Variants in DHX29 observed in about 807,000 individuals in gnomAD.
DHX29 encodes DExH-box helicase 29.
DHX29 carries 79 observed loss-of-function variants against 167.9 expected under a neutral mutation model. That is an observed-to-expected ratio of 0.47 (90% CI 0.39 to 0.57). The LOEUF is 0.57. Among genes scored for constraint, DHX29 ranks in the 20% least tolerant of loss-of-function variants. The pLI is 0.00. For missense variants in DHX29, 1,347 were observed against 1,593.4 expected (o/e 0.85, Z 2.63); for synonymous variants, 530 against 546.0 (o/e 0.97, Z 0.41).
intron 6 of DHX29, 29 bp from the exon 7 acceptor site, chr5:55,290,373 G>GA (rs545241101): frequency 6.1e-4 from 921 of 1,502,470 alleles, no homozygotes; most frequent in Admixed American, 2.3e-3. Context: ...TGAGGAGGGG[G>GA]AAAAAAAAAG....
In DHX29 at chr5:55,285,310, G is replaced by C; in HGVS notation, c.1339C>G (p.Arg447Gly). ...QHLGATLALY[R>G]LVKGQSVHQL... ...AGTCTTACCTGCCCTTTAACTAAAC[G>C]GTAAAGGGCTAAAGTAGCTCCCAGG... The change falls in exon 10 of 27, where the codon CGT (arginine) becomes GGT (glycine). Residue 447 changes from arginine (R) to glycine (G), a missense_variant. This residue lies in a region of DHX29 where 882 missense variants were observed against 1,082.4 expected (regional missense o/e 0.81). Coordinates refer to ENST00000251636, the MANE Select transcript of DHX29 (RefSeq NM_019030.4). 1 of 1,613,938 alleles carries C rather than the reference G, an allele frequency of 6.2e-7. No homozygotes were observed. The highest frequency in any genetic ancestry group is 8.5e-7 in the Non-Finnish European group (1 of 1,179,968).
rs375409018 is a variant in DHX29 at position 55,296,721 on chromosome 5, G to C, written c.376-372C>G. On this transcript the variant is annotated intron_variant, in intron 3 of 26. Transcript: ENST00000251636. ...TGAATAGTTACATAATATTCCACTG[G>C]GTGGACATATCCTGATTTAATTTTA... Among the ~76,000 whole-genome samples, 37 of 152,082 alleles carry C rather than the reference G, an allele frequency of 2.4e-4. No homozygotes were observed. In the South Asian group the frequency reaches 5.8e-3, roughly 24 times the overall value.
At chr5:55,264,051 T>C (rs1746435488) in intron 23 of DHX29, among the ~76,000 whole-genome samples, 1 of 151,946 alleles carries the variant, frequency 6.6e-6, no homozygotes, top group Non-Finnish European at 1.5e-5. Flanking sequence ...TCCTAGCACT[T>C]TGGGAGACTG....
chr5:55,302,102 T>C lies in DHX29; in HGVS notation c.188-3438A>G, dbSNP rs573044019. 2.0e-5 allele frequency among the ~76,000 whole-genome samples: 3 copies of C among 152,322 alleles called. No homozygotes were observed. The South Asian group carries it at 6.2e-4, about 32-fold the overall frequency. On this transcript the variant is annotated intron_variant, in intron 1 of 26. Transcript: ENST00000251636. Reference sequence around the variant, plus strand: ...TAATAACAAGTCTGGTATAGTATTGTTAGTTTCCTTATCGTCTAGTCTCAA... The same window carrying C: ...TAATAACAAGTCTGGTATAGTATTGCTAGTTTCCTTATCGTCTAGTCTCAA...
intron 12 of DHX29, among the ~76,000 whole-genome samples, chr5:55,278,724 AGAAG>A (rs1747248170): frequency 6.6e-6 from 1 of 152,248 alleles, no homozygotes; most frequent in Non-Finnish European, 1.5e-5. Context: ...AAAGAAAAAG[AGAAG>A]GAAGAAACGG....
At chr5:55,259,186 T>A (rs1239287965) in intron 26 of DHX29, among the ~76,000 whole-genome samples, 1 of 152,190 alleles carries the variant, frequency 6.6e-6, no homozygotes, top group Non-Finnish European at 1.5e-5. Context: ...ACCAGTTTAC[T>A]AAAATGCTAA....
intron 23 of DHX29, among the ~76,000 whole-genome samples, chr5:55,263,976 G>A (rs1473497962): frequency 6.6e-6 from 1 of 151,468 alleles, no homozygotes; most frequent in African/African-American, 2.4e-5. Flanking sequence ...TTATGTGAGA[G>A]ATACATTATT....
chr5:55,274,170 G>A (rs759865424), intron 16 of DHX29, among the ~76,000 whole-genome samples: 2 of 151,844 alleles, frequency 1.3e-5, no homozygotes, highest in Non-Finnish European at 2.9e-5. Flanking sequence ...ATGGTGAGAA[G>A]TTCCCTTTAG....
At chr5:55,258,712 G>A (rs775568634) in intron 26 of DHX29, among the ~76,000 whole-genome samples, 7 of 152,054 alleles carry the variant, frequency 4.6e-5, no homozygotes, top group Middle Eastern at 3.2e-3. Context: ...CACCAGGCCC[G>A]GCTAACTTTT....
chr5:55,279,819 C>A (rs540421658), intron 12 of DHX29, among the ~76,000 whole-genome samples: 59 of 151,842 alleles, frequency 3.9e-4, no homozygotes, highest in South Asian at 8.3e-4. Context: ...GATCCTCCCC[C>A]CTTCAGCCTG....
intron 10 of DHX29, among the ~76,000 whole-genome samples, chr5:55,284,488 G>A (rs1315457817): frequency 6.6e-6 from 1 of 152,056 alleles, no homozygotes; most frequent in Non-Finnish European, 1.5e-5. Flanking sequence ...TGCAAAATAA[G>A]GGAAATAAAG....
At position 55,297,409 on chromosome 5, in the gene DHX29, C is replaced by G. The variant is rs919737998; in HGVS notation, c.262-11G>C. 5 of 1,011,554 alleles carry G rather than the reference C, an allele frequency of 4.9e-6. No homozygotes were observed. The Admixed American group carries it at 7.2e-5, about 15-fold the overall frequency. The allele number at this position is 1,011,554 out of a possible 1,614,324, so 62.7% of individuals were successfully genotyped here. ...GTTATTAATTACCACCTGTTGAGGC[C>G]AAAAAGGTCATATCATTTAGAAGCT... is the stretch of plus-strand genomic sequence containing the variant. On this transcript the variant is annotated splice_polypyrimidine_tract_variant and intron_variant, in intron 2 of 26. Coordinates refer to ENST00000251636, the MANE Select transcript of DHX29 (RefSeq NM_019030.4).
chr5:55,300,443 C>T (rs943645887), intron 1 of DHX29, among the ~76,000 whole-genome samples: 4 of 152,126 alleles, frequency 2.6e-5, no homozygotes, highest in Non-Finnish European at 4.4e-5. Flanking sequence ...GACGCGGAGG[C>T]GGGCAGATCA....
chr5:55,304,406 G>A lies in DHX29; in HGVS notation c.187+2981C>T, dbSNP rs567850647. Among the ~76,000 whole-genome samples, 17 of 150,950 alleles carry A rather than the reference G, an allele frequency of 1.1e-4. No individual in the cohort carries two copies. The East Asian group carries it at 3.3e-3, about 29-fold the overall frequency. ...AGCTCACTGCAAGCTCCGCCTCCCG[G>A]GTTCACGCCATTCTCCTGCCTCAGC... On this transcript the variant is annotated intron_variant, in intron 1 of 26. Coordinates refer to ENST00000251636, the MANE Select transcript of DHX29 (RefSeq NM_019030.4).
At chr5:55,284,111 G>A (rs1366891101) in intron 10 of DHX29, among the ~76,000 whole-genome samples, 1 of 151,950 alleles carries the variant, frequency 6.6e-6, no homozygotes. Context: ...TGTAACCTTG[G>A]GCAATTCACT....
intron 1 of DHX29, 90 bp downstream of exon 1, chr5:55,307,297 C>A: frequency 8.9e-7 from 1 of 1,127,500 alleles, no homozygotes; most frequent in South Asian, 1.5e-5. Flanking sequence ...ATGTTGGGCC[C>A]GAAGCTCCTC....
chr5:55,268,971 A>G (rs1293893527), intron 21 of DHX29, among the ~76,000 whole-genome samples: 1 of 152,150 alleles, frequency 6.6e-6, no homozygotes, highest in Non-Finnish European at 1.5e-5. Context: ...GTACTTACAG[A>G]ACACTTCAGT....
chr5:55,284,836 C>T (rs1201508126), intron 10 of DHX29, among the ~76,000 whole-genome samples: 1 of 152,016 alleles, frequency 6.6e-6, no homozygotes, highest in Non-Finnish European at 1.5e-5. Context: ...AATTTTCAGC[C>T]TGGGAAATAT....
At chr5:55,276,990 T>C (rs1561148077) in intron 13 of DHX29, 116 bp downstream of exon 13, 5 of 659,720 alleles carry the variant, frequency 7.6e-6, no homozygotes, top group Admixed American at 2.9e-5. Context: ...GCTCCTCTGC[T>C]GACTCACTGT....
Sources: gnomAD v4.1 joint callset for allele counts (sites outside exome capture counted in the v4.1 genomes callset) on GRCh38, gnomAD v4.1.1 for gene constraint, gnomAD v4.1.1 regional missense constraint, MANE v1.5 for transcripts, NCBI Gene and HGNC (gene_info 2026-07-23, HGNC 2026-07-21) for gene names.